The following PHF21A variants were observed in gnomAD, a reference collection of about 807,000 sequenced individuals.
The protein encoded by PHF21A is PHD finger protein 21A.
PHF21A carries 11 observed loss-of-function variants against 82.5 expected under a neutral mutation model. The observed-to-expected ratio is 0.13, with a 90% CI of 0.08 to 0.22. PHF21A has a LOEUF of 0.22. PHF21A is among the 10% of genes least tolerant of loss of function. The pLI is 1.00. For synonymous variants in PHF21A, 297 were observed against 302.8 expected, an observed-to-expected ratio of 0.98 and a Z score of 0.20; for missense variants, 579 against 837.8, an observed-to-expected ratio of 0.69 and a Z score of 3.81.
intron 6 of PHF21A, among the ~76,000 whole-genome samples, chr11:46,074,929 G>A (rs1267262765): frequency 6.6e-6 from 1 of 152,184 alleles, no homozygotes; most frequent in Non-Finnish European, 1.5e-5. Context: ...ATATTTTTCT[G>A]TTCCATCAAG....
chr11:45,941,103 A>G (rs2090258643), intron 15 of PHF21A, among the ~76,000 whole-genome samples: 1 of 152,052 alleles, frequency 6.6e-6, no homozygotes, highest in South Asian at 2.1e-4. Context: ...AGCAGTTAAA[A>G]AACAATTTTT....
At chr11:46,115,333 T>C (rs1483731100) in intron 1 of PHF21A, among the ~76,000 whole-genome samples, 1 of 152,146 alleles carries the variant, frequency 6.6e-6, no homozygotes, top group Non-Finnish European at 1.5e-5. Flanking sequence ...GAAAAGTTAT[T>C]CATAAAGTCT....
At chr11:46,026,974 C>T (rs2095758595) in intron 6 of PHF21A, 1 of 152,156 alleles carries the variant, frequency 6.6e-6, no homozygotes, top group Admixed American at 6.6e-5. Context: ...CTAGCATTCT[C>T]CATTTTTATG....
intron 6 of PHF21A, among the ~76,000 whole-genome samples, chr11:46,066,675 GGC>G (rs2096597920): frequency 4.6e-5 from 7 of 151,822 alleles, no homozygotes; most frequent in Non-Finnish European, 1.0e-4. Flanking sequence ...CACCAGCTTG[GGC>G]GACAGAGCAA....
intron 6 of PHF21A, among the ~76,000 whole-genome samples, chr11:46,025,912 G>A (rs185194730): frequency 1.1e-4 from 17 of 152,302 alleles, no homozygotes; most frequent in African/African-American, 1.7e-4. Flanking sequence ...TATTGTAGGC[G>A]AAGACATTTC....
chr11:45,944,699 G>A (rs190696830), intron 15 of PHF21A, among the ~76,000 whole-genome samples: 18 of 152,252 alleles, frequency 1.2e-4, no homozygotes, highest in Non-Finnish European at 1.0e-4. Context: ...AGATCCTCCC[G>A]AGGCTTCACC....
At chr11:45,946,675 G>C (rs184751694) in intron 14 of PHF21A, among the ~76,000 whole-genome samples, 1 of 152,038 alleles carries the variant, frequency 6.6e-6, no homozygotes, top group Non-Finnish European at 1.5e-5. Context: ...GCACCTGGCC[G>C]AATTTATTAT....
chr11:46,051,810 G>A (rs957588991), intron 6 of PHF21A, among the ~76,000 whole-genome samples: 1 of 152,192 alleles, frequency 6.6e-6, no homozygotes, highest in Non-Finnish European at 1.5e-5. Context: ...CAAAGGTGAT[G>A]GGGGTGGGGA....
chr11:46,050,347 T>C (rs150954424), intron 6 of PHF21A, among the ~76,000 whole-genome samples: 1 of 152,330 alleles, frequency 6.6e-6, no homozygotes, highest in East Asian at 1.9e-4. Context: ...CCGGCTTACT[T>C]TGATCAACTG....
In PHF21A at chr11:45,949,717, T is replaced by C. The variant is rs564647332; in HGVS notation, c.1148-236A>G. On this transcript the variant is annotated intron_variant, in intron 12 of 18. Coordinates refer to ENST00000676320, the MANE Select transcript of PHF21A (RefSeq NM_001352027.3). ...TGGTTCTCTGTTGAGAGTTTAACAA[T>C]AGACAACACTTGTAAACAAGTTGTC... Among the ~76,000 whole-genome samples, 5 of 152,346 alleles carry C rather than the reference T, an allele frequency of 3.3e-5. No individual in the cohort carries two copies. In the South Asian group the frequency reaches 6.2e-4, roughly 19 times the overall value.
chr11:46,031,758 T>G (rs1189700857), intron 6 of PHF21A, among the ~76,000 whole-genome samples: 1 of 152,178 alleles, frequency 6.6e-6, no homozygotes, highest in African/African-American at 2.4e-5. Context: ...TGGAAAAGAA[T>G]GCAATAATTT....
chr11:45,965,613 A>G lies in PHF21A; in HGVS notation c.703-5T>C. The G allele has an allele frequency of 6.6e-7, 1 of 1,520,616 alleles. No homozygotes were observed. Among genetic ancestry groups the G allele is most frequent in the Non-Finnish European group, 8.8e-7 (1 of 1,134,936 alleles). The allele number at this position is 1,520,616 out of a possible 1,614,324, so 94.2% of individuals were successfully genotyped here. On this transcript the variant is annotated splice_polypyrimidine_tract_variant and splice_region_variant and intron_variant, in intron 9 of 18. Coordinates refer to ENST00000676320, the MANE Select transcript of PHF21A (RefSeq NM_001352027.3). Reference sequence around the variant, plus strand: ...GGCCACAGGCTTGGGTCGAACCTATAGGGGAAAGAGAGAATAATTATTGTA... The same window carrying G: ...GGCCACAGGCTTGGGTCGAACCTATGGGGGAAAGAGAGAATAATTATTGTA...
intron 6 of PHF21A, among the ~76,000 whole-genome samples, chr11:46,047,715 A>G (rs1171770006): frequency 6.6e-6 from 1 of 152,212 alleles, no homozygotes; most frequent in Non-Finnish European, 1.5e-5. Flanking sequence ...TACTTGCTCT[A>G]CCATTTCTTG....
intron 10 of PHF21A, among the ~76,000 whole-genome samples, chr11:45,964,341 T>G (rs1427810829): frequency 1.3e-5 from 2 of 152,046 alleles, no homozygotes; most frequent in Non-Finnish European, 2.9e-5. Context: ...ATAACTAGCT[T>G]CTTGAATGCA....
chr11:45,957,011 T>A (rs2092690131), intron 10 of PHF21A, among the ~76,000 whole-genome samples: 1 of 152,080 alleles, frequency 6.6e-6, no homozygotes, highest in South Asian at 2.1e-4. Flanking sequence ...TGACTTAAAG[T>A]CAACAACTGT....
At chr11:46,002,351 T>C (rs114911658) in intron 6 of PHF21A, among the ~76,000 whole-genome samples, 159 of 152,324 alleles carry the variant, frequency 1.0e-3, no homozygotes, top group African/African-American at 3.7e-3. Flanking sequence ...CTCAAAATAT[T>C]TGTGGAATGG....
chr11:45,979,778 G>C lies in PHF21A; in HGVS notation c.342C>G (p.Pro114=), dbSNP rs779951690. 1 of 1,613,970 alleles carries C rather than the reference G, an allele frequency of 6.2e-7. No homozygotes were observed. Among genetic ancestry groups the C allele is most frequent in the South Asian group, 1.1e-5 (1 of 91,066 alleles). The part of the protein sequence containing the change: ...HHAQQSAAAS[P]NLTASQKTVT... ...CATTTACCTGTGAAGCAGTCAGGTT[G>C]GGAGAGGCTGCAGCTGACTGCTGGG... Residue 114 remains proline (P), a synonymous_variant, in exon 7 of 19, where the codon CCC becomes CCG. Transcript: ENST00000676320.
rs1238280893 is a variant in PHF21A at position 45,929,475 on chromosome 11, G to A, written c.*4493C>T. The A allele has an allele frequency of 6.5e-6, 1 of 152,990 alleles. No homozygotes were observed. Among genetic ancestry groups the A allele is most frequent in the Non-Finnish European group, 1.4e-5 (1 of 69,008 alleles). The allele number at this position is 152,990 out of a possible 1,614,324, so 9.5% of individuals were successfully genotyped here. On this transcript the variant is annotated 3_prime_UTR_variant, in exon 19 of 19. Transcript: ENST00000676320. ...AAAACTCCAAATACAAGTCTACCAA[G>A]ACTGAAATCACAAAGGGCATGGACA... is the stretch of plus-strand genomic sequence containing the variant.
chr11:45,938,038 CAGCCCGG>C (rs1407820345), intron 16 of PHF21A, 112 bp downstream of exon 16: 7 of 829,390 alleles, frequency 8.4e-6, no homozygotes, highest in African/African-American at 1.7e-5. Context: ...AGGGAAGATG[CAGCCCGG>C]AGACGGACTG....
Sources: gnomAD v4.1 joint callset for allele counts (sites outside exome capture counted in the v4.1 genomes callset) on GRCh38, gnomAD v4.1.1 for gene constraint, MANE v1.5 for transcripts, NCBI Gene and HGNC (gene_info 2026-07-23, HGNC 2026-07-21) for gene names.